Variants in PCLO observed in about 807,000 individuals in gnomAD.
PCLO encodes the protein protein piccolo.
Under a neutral mutation model 427.5 loss-of-function variants are expected in PCLO, and 82 were observed. That is an observed-to-expected ratio of 0.19 (90% CI 0.16 to 0.23). The LOEUF is 0.23. Among genes scored for constraint, PCLO ranks in the 10% least tolerant of loss-of-function variants. The pLI is 1.00. For synonymous variants in PCLO, 2,357 were observed against 2,155.4 expected, an observed-to-expected ratio of 1.09 and a Z score of -2.59; for missense variants, 6,239 against 6,115.9, an observed-to-expected ratio of 1.02 and a Z score of -0.67.
chr7:82,911,646 C>T (rs899004371), intron 7 of PCLO, among the ~76,000 whole-genome samples: 5 of 151,306 alleles, frequency 3.3e-5, no homozygotes, highest in African/African-American at 4.9e-5. Flanking sequence ...TTTTTTGAGA[C>T]GAAGTCTCAC....
intron 22 of PCLO, among the ~76,000 whole-genome samples, chr7:82,767,970 GA>G (rs1681945004): frequency 6.6e-6 from 1 of 151,532 alleles, no homozygotes; most frequent in Non-Finnish European, 1.5e-5. Context: ...AAGAAGGAAA[GA>G]AAAGCAAAAA....
Position 83,135,055 on chromosome 7 carries a change from G to A in PCLO, c.2495C>T (p.Ser832Leu). 6.2e-7 allele frequency: 1 copy of A among 1,613,944 alleles called. No individual in the cohort carries two copies. Among genetic ancestry groups the A allele is most frequent in the African/African-American group, 1.3e-5 (1 of 75,012 alleles). ...PRPASDSKII[S>L]HPGPSSESKG... ...GCTCTCTGAACTGGGACCAGGATGT[G>A]AAATAATTTTTGAATCTGATGCAGG... Residue 832 changes from serine (S) to leucine (L), a missense_variant, in exon 3 of 25, where the codon TCA becomes TTA. Coordinates refer to ENST00000333891, the MANE Select transcript of PCLO (RefSeq NM_033026.6).
intron 6 of PCLO, 92 bp downstream of exon 6, chr7:82,949,384 A>G (rs1795277811): frequency 7.7e-6 from 7 of 907,542 alleles, no homozygotes; most frequent in Non-Finnish European, 1.7e-6. Flanking sequence ...TAGGTTTCTA[A>G]GGTACCAGGA....
intron 3 of PCLO, among the ~76,000 whole-genome samples, chr7:83,075,979 T>TA (rs1435462267): frequency 6.6e-6 from 1 of 152,084 alleles, no homozygotes; most frequent in Non-Finnish European, 1.5e-5. Flanking sequence ...CAGACCATTT[T>TA]AAATATAATA....
At chr7:83,085,326 C>T (rs571648506) in intron 3 of PCLO, among the ~76,000 whole-genome samples, 15 of 152,060 alleles carry the variant, frequency 9.9e-5, no homozygotes, top group Non-Finnish European at 1.8e-4. Context: ...TGTGCTAAAA[C>T]CATTAATTGC....
At chr7:83,022,541 A>G (rs1450931495) in intron 3 of PCLO, among the ~76,000 whole-genome samples, 1 of 152,178 alleles carries the variant, frequency 6.6e-6, no homozygotes, top group Non-Finnish European at 1.5e-5. Flanking sequence ...ATCACCACCT[A>G]ATATTGTTGG....
At chr7:83,019,296 G>A (rs1788284218) in intron 3 of PCLO, among the ~76,000 whole-genome samples, 1 of 151,868 alleles carries the variant, frequency 6.6e-6, no homozygotes, top group Non-Finnish European at 1.5e-5. Context: ...GTAGAGTAAG[G>A]CAGGAAGAAG....
chr7:82,898,601 A>G (rs1793963765), intron 9 of PCLO, among the ~76,000 whole-genome samples: 1 of 151,412 alleles, frequency 6.6e-6, no homozygotes, highest in South Asian at 2.1e-4. Flanking sequence ...GAACAGGTAT[A>G]CTACATTTTA....
At chr7:82,773,568 C>T (rs769420748) in intron 22 of PCLO, among the ~76,000 whole-genome samples, 1 of 152,070 alleles carries the variant, frequency 6.6e-6, no homozygotes, top group Admixed American at 6.6e-5. Flanking sequence ...TCAGAAGCAA[C>T]ATAAAGGAAT....
intron 6 of PCLO, among the ~76,000 whole-genome samples, chr7:82,925,289 T>C (rs1442729743): frequency 1.3e-5 from 2 of 152,018 alleles, no homozygotes; most frequent in East Asian, 3.9e-4. Flanking sequence ...CTTTAAAATA[T>C]ATAAATATAG....
In PCLO at chr7:82,961,434, C is replaced by T. The variant is rs960303386; in HGVS notation, c.4017+4337G>A. Among the ~76,000 whole-genome samples, 9 of 152,212 alleles carry T rather than the reference C, an allele frequency of 5.9e-5. No individual in the cohort carries two copies. The East Asian group carries it at 9.7e-4, about 16-fold the overall frequency. ...AATTTCTCCCCATGGGGAATGTTAG[C>T]GGTTGCTTGAAAGTTGTGCTGGAGC... On this transcript the variant is annotated intron_variant, in intron 4 of 24. Coordinates refer to ENST00000333891, the MANE Select transcript of PCLO (RefSeq NM_033026.6).
chr7:82,892,720 C>G (rs1277927373), intron 9 of PCLO, among the ~76,000 whole-genome samples: 2 of 151,856 alleles, frequency 1.3e-5, no homozygotes, highest in African/African-American at 4.8e-5. Flanking sequence ...TGAACTCAAA[C>G]AAATTTACAA....
intron 10 of PCLO, chr7:82,848,837 C>A: frequency 2.8e-6 from 1 of 352,250 alleles, no homozygotes; most frequent in South Asian, 2.2e-5. Context: ...CTCACAATAA[C>A]ACAAACAAGA....
chr7:82,841,479 G>C lies in PCLO; in HGVS notation c.14077C>G (p.Pro4693Ala), dbSNP rs1351455122. ...CATACCTGAATTTCTCCTGTAATTG[G>C]ATGAGAGACAACCTTTGTTCCATCG... ...PTDGTKVVSHPITGEIQLQIN... is the reference protein window; with the variant it reads ...PTDGTKVVSHAITGEIQLQIN... The change falls in exon 14 of 25, where the codon CCA (proline) becomes GCA (alanine). Residue 4693 changes from proline (P) to alanine (A), a missense_variant. Physicochemically the swap from Pro to Ala is conservative, Grantham distance 27. This residue lies in a region of PCLO where 877 missense variants were observed against 925.5 expected (regional missense o/e 0.95). Transcript: ENST00000333891. 6.3e-7 allele frequency: 1 copy of C among 1,598,774 alleles called. No individual in the cohort carries two copies. The highest frequency in any genetic ancestry group is 1.7e-5 in the Admixed American group (1 of 59,748).
In PCLO at chr7:82,954,480, G is replaced by A. The variant is rs1795454942; in HGVS notation, c.6473C>T (p.Ala2158Val). The A allele has an allele frequency of 6.2e-7, 1 of 1,613,804 alleles. No individual in the cohort carries two copies. The highest frequency in any genetic ancestry group is 1.1e-5 in the South Asian group (1 of 91,078). Residue 2158 changes from alanine (A) to valine (V), a missense_variant, in exon 5 of 25, where the codon GCC becomes GTC. Physicochemically the swap from Ala to Val is moderately conservative, Grantham distance 64 (BLOSUM62 0). Transcript: ENST00000333891. ...GTAGGTCAAAATCAGCGATTCATGG[G>A]CAATTATCTCTTGAATTTCTCTTGT... ...DYTREIQEII[A>V]HESLILTYSE...
At chr7:82,983,290 T>C (rs972419582) in intron 3 of PCLO, among the ~76,000 whole-genome samples, 5 of 151,188 alleles carry the variant, frequency 3.3e-5, no homozygotes, top group Admixed American at 3.3e-4. Context: ...AACCTATACT[T>C]ATAATTAGCA....
At chr7:82,836,088 C>A (rs115866207) in intron 15 of PCLO, among the ~76,000 whole-genome samples, 1,686 of 152,228 alleles carry the variant, frequency 0.011, 32 homozygotes, top group African/African-American at 0.038. Flanking sequence ...TTGTTGCTTA[C>A]CCCAGAATGG....
At chr7:83,128,829 G>A (rs537498595) in intron 3 of PCLO, among the ~76,000 whole-genome samples, 2 of 152,232 alleles carry the variant, frequency 1.3e-5, no homozygotes, top group Admixed American at 6.5e-5. Context: ...ACCTAGGAAT[G>A]GTGGCCAGTT....
intron 2 of PCLO, among the ~76,000 whole-genome samples, chr7:83,143,656 A>C (rs78054029): frequency 0.031 from 4,646 of 152,000 alleles, 266 homozygotes; most frequent in African/African-American, 0.11. Flanking sequence ...AAAAAAAAAA[A>C]AAAAACCTGA....
Sources: gnomAD v4.1 joint callset for allele counts (sites outside exome capture counted in the v4.1 genomes callset) on GRCh38, gnomAD v4.1.1 for gene constraint, gnomAD v4.1.1 regional missense constraint, MANE v1.5 for transcripts, NCBI Gene and HGNC (gene_info 2026-07-23, HGNC 2026-07-21) for gene names.